GAREM2: variants seen among roughly 807,000 people sequenced by gnomAD.
GAREM2 encodes the protein GRB2-associated and regulator of MAPK protein 2.
Under a neutral mutation model 55.6 loss-of-function variants are expected in GAREM2, and 30 were observed. The ratio of observed to expected loss-of-function variants is 0.54; its 90% CI spans 0.40 to 0.73. The LOEUF (loss-of-function observed/expected upper bound fraction) is 0.73. Among genes scored for constraint, GAREM2 ranks in the 30% least tolerant of loss-of-function variants. GAREM2 has a pLI of 0.00. For synonymous variants in GAREM2, 550 were observed against 569.1 expected (o/e 0.97, Z 0.48); for missense variants, 1,075 against 1,257.7 (o/e 0.85, Z 2.20).
intron 5 of GAREM2, among the ~76,000 whole-genome samples, chr2:26,186,716 C>T (rs1484749326): frequency 2.0e-5 from 3 of 152,280 alleles, no homozygotes; most frequent in African/African-American, 2.4e-5. Context: ...TGGCTGATGC[C>T]GGTAATCCCA....
In GAREM2 at chr2:26,188,252, A is replaced by G. The variant is rs1249698713; in HGVS notation, c.2620A>G (p.Ile874Val). ...GTTCATCAAAGGCTGGAGGCCCAAG[A>G]TCTGAACTGCCCAGCTGGAGCTGCA... is the stretch of plus-strand genomic sequence containing the variant. ...MQFIKGWRPKI is the reference protein window; with the variant it reads ...MQFIKGWRPKV The change falls in exon 6 of 6, where the codon ATC (isoleucine) becomes GTC (valine). Residue 874 changes from isoleucine (I) to valine (V), a missense_variant. This residue lies in a region of GAREM2 where 142 missense variants were observed against 172.3 expected (regional missense o/e 0.82). Transcript: ENST00000401533. The G allele has an allele frequency of 9.5e-6, 14 of 1,473,262 alleles. No homozygotes were observed. Among genetic ancestry groups the G allele is most frequent in the Non-Finnish European group, 1.3e-5 (14 of 1,101,120 alleles). The allele number at this position is 1,473,262 out of a possible 1,614,324, so 91.3% of individuals were successfully genotyped here. A position where few individuals can be genotyped will look rare whatever the true frequency, so the allele number is the denominator to read the frequency against.
rs1226230298 is a variant in GAREM2 at position 26,179,972 on chromosome 2, G to T, written c.254-2995G>T. Among the ~76,000 whole-genome samples, 1 of 152,058 alleles carries T rather than the reference G, an allele frequency of 6.6e-6. No individual in the cohort carries two copies. Among genetic ancestry groups the T allele is most frequent in the Non-Finnish European group, 1.5e-5 (1 of 67,982 alleles). The stretch of plus-strand genomic sequence containing the variant: ...CTTGGGGGAGGAGGCGGGAGTGAGG[G>T]GAGGAGGCTACTCAGTGCCTGCAGT... On this transcript the variant is annotated intron_variant, in intron 2 of 5. Coordinates refer to ENST00000401533, the MANE Select transcript of GAREM2 (RefSeq NM_001168241.2). This position sits in a 1 kb window ranked among gnomAD's most constrained non-coding sequence, Gnocchi z 4.7.
the GAREM2 span, among the ~76,000 whole-genome samples, chr2:26,195,935 A>C: frequency 1.3e-5 from 2 of 152,200 alleles, no homozygotes; most frequent in African/African-American, 4.8e-5. Flanking sequence ...CATTGAGCTA[A>C]CAGTTACATA....
chr2:26,177,387 C>T (rs899419901), intron 2 of GAREM2, among the ~76,000 whole-genome samples: 2 of 152,166 alleles, frequency 1.3e-5, no homozygotes, highest in Admixed American at 6.5e-5. Flanking sequence ...TATGCTGGGC[C>T]GAACATTTTT....
chr2:26,195,147 C>T, the GAREM2 span: 3 of 1,612,564 alleles, frequency 1.9e-6, no homozygotes, highest in African/African-American at 2.7e-5. Context: ...AGCTGAAGCA[C>T]TGGTGTCTTT....
rs1668869276 is a variant in GAREM2 at position 26,176,463 on chromosome 2, G to A, written c.232G>A (p.Asp78Asn). The A allele has an allele frequency of 1.9e-6, 3 of 1,548,830 alleles. No homozygotes were observed. Among genetic ancestry groups the A allele is most frequent in the Non-Finnish European group, 1.7e-6 (2 of 1,145,422 alleles). ...CCACTATGTCATCGGGCCCAAGATC[G>A]ACATCCCCCTGCAGTACCCAGGTGT... ...EGHYVIGPKI[D>N]IPLQYPGKFK... The change falls in exon 2 of 6, where the codon GAC becomes AAC. Residue 78 changes from aspartate (D) to asparagine (N), a missense_variant. This residue lies in a region of GAREM2 where 230 missense variants were observed against 310.6 expected (regional missense o/e 0.74). Transcript: ENST00000401533.
chr2:26,174,792 C>A (rs73920248), intron 1 of GAREM2, among the ~76,000 whole-genome samples: 1 of 152,100 alleles, frequency 6.6e-6, no homozygotes, highest in Non-Finnish European at 1.5e-5. Flanking sequence ...GCCCCTTGGC[C>A]GGAGACTGAG....
At position 26,177,927 on chromosome 2, in the gene GAREM2, C is replaced by T. The variant is rs545681930; in HGVS notation, c.253+1443C>T. Among the ~76,000 whole-genome samples the T allele has an allele frequency of 2.6e-5, 4 of 152,326 alleles. No homozygotes were observed. The East Asian group carries it at 7.7e-4, about 29-fold the overall frequency. On this transcript the variant is annotated intron_variant, in intron 2 of 5. Coordinates refer to ENST00000401533, the MANE Select transcript of GAREM2 (RefSeq NM_001168241.2). ...CAGGTGTCAGCCACCAAACCCAGCC[C>T]AGTTCTGTGTTTTTAACTGCTGTGC...
downstream of GAREM2, among the ~76,000 whole-genome samples, chr2:26,193,167 T>G (rs4665315): frequency 0.82 from 125,143 of 151,972 alleles, 51,891 homozygotes; most frequent in African/African-American, 0.93. Flanking sequence ...ATTTCATCTC[T>G]GGGGGATAAA....
At chr2:26,189,931 C>G (rs534890138), downstream of GAREM2, among the ~76,000 whole-genome samples, 1 of 152,230 alleles carries the variant, frequency 6.6e-6, no homozygotes, top group Non-Finnish European at 1.5e-5. Context: ...AGGGAAAGAC[C>G]CAGGCTCAAA....
rs1222359854 is a variant in GAREM2 at position 26,184,481 on chromosome 2, C to A, written c.633C>A (p.Gly211=). ...TGGGGARPVK[G]KMPCLICMNH... is the part of the protein sequence containing the mutation. The stretch of plus-strand genomic sequence containing the variant: ...GCGGGGGCGCCAGGCCGGTCAAAGG[C>A]AAGATGCCCTGCCTCATCTGCATGA... Residue 211 remains glycine (G), a synonymous_variant, in exon 4 of 6, where the codon GGC becomes GGA. Transcript: ENST00000401533. 6.6e-7 allele frequency: 1 copy of A among 1,521,458 alleles called. No individual in the cohort carries two copies. The allele number at this position is 1,521,458 out of a possible 1,614,324, so 94.2% of individuals were successfully genotyped here.
At chr2:26,182,254 C>T in intron 2 of GAREM2, 2 of 1,422,778 alleles carry the variant, frequency 1.4e-6, no homozygotes, top group Non-Finnish European at 1.8e-6. Context: ...CTTGGCAAAG[C>T]ACGCAGCCCC....
At chr2:26,198,662 A>T in the GAREM2 span, among the ~76,000 whole-genome samples, 1 of 5,432 alleles carries the variant, frequency 1.8e-4, no homozygotes, top group Non-Finnish European at 3.4e-4. Flanking sequence ...CTTAAGATTT[A>T]AAAAAAAAAG....
the GAREM2 span, chr2:26,195,186 A>G: frequency 6.2e-7 from 1 of 1,612,082 alleles, no homozygotes; most frequent in South Asian, 1.1e-5. Context: ...GATAATCTCC[A>G]GCAGCTGCAT....
rs1669292601 is a variant in GAREM2 at position 26,187,215 on chromosome 2, C to A, written c.1599-16C>A. ...CCTCACCTGTCCTATGTGTGTGTGT[C>A]TGTCTCTGTCCACAGGGCGGGTTCC... On this transcript the variant is annotated splice_polypyrimidine_tract_variant and intron_variant, in intron 5 of 5. Transcript: ENST00000401533. 1 of 1,442,824 alleles carries A rather than the reference C, an allele frequency of 6.9e-7. No individual in the cohort carries two copies. The highest frequency in any genetic ancestry group is 9.2e-7 in the Non-Finnish European group (1 of 1,092,552). 89.4% of individuals were successfully genotyped at this position (1,442,824 alleles called of 1,614,324 possible).
In GAREM2 at chr2:26,185,065, A is replaced by C. The variant is rs1327531303; in HGVS notation, c.1217A>C (p.Asp406Ala). The stretch of plus-strand genomic sequence containing the variant: ...GCGCCGGCTCCCGCCGGCGAGGGCG[A>C]CCAGGAGTACGTGAGCCCCGACTGG... Reference protein sequence around the residue: ...PLAPAPAGEGDQEYVSPDWAA... With the variant: ...PLAPAPAGEGAQEYVSPDWAA... The change falls in exon 4 of 6, where the codon GAC becomes GCC. Residue 406 changes from aspartate to alanine, a missense_variant. Physicochemically the swap from Asp to Ala is moderately radical, Grantham distance 126. Transcript: ENST00000401533. 1.5e-6 allele frequency: 2 copies of C among 1,294,582 alleles called. No homozygotes were observed. Among genetic ancestry groups the C allele is most frequent in the African/African-American group, 3.1e-5 (2 of 63,800 alleles). The allele number at this position is 1,294,582 out of a possible 1,614,324, so 80.2% of individuals were successfully genotyped here.
intron 3 of GAREM2, 110 bp downstream of exon 3, chr2:26,183,207 C>T: frequency 8.2e-7 from 1 of 1,215,406 alleles, no homozygotes; most frequent in Non-Finnish European, 1.2e-6. Context: ...GAGAGCGGCT[C>T]CTGGGGACCC....
At chr2:26,183,555 C>T (rs1037903436) in intron 3 of GAREM2, among the ~76,000 whole-genome samples, 6 of 152,140 alleles carry the variant, frequency 3.9e-5, no homozygotes, top group African/African-American at 1.2e-4. Flanking sequence ...GAGACCCTGT[C>T]TCTACAAAAA....
Position 26,184,629 on chromosome 2 carries a change from G to GT in GAREM2, c.782dup (p.Arg262GlufsTer32). 6.5e-7 allele frequency: 1 copy of GT among 1,547,534 alleles called. No individual in the cohort carries two copies. The highest frequency in any genetic ancestry group is 8.7e-7 in the Non-Finnish European group (1 of 1,145,724). On this transcript the variant is annotated frameshift_variant, in exon 4 of 6. Coordinates refer to ENST00000401533, the MANE Select transcript of GAREM2 (RefSeq NM_001168241.2). LOFTEE classifies it high-confidence loss of function. Reference sequence around the variant, plus strand: ...CACGGTGCGCGCCATCATCGAGCGCGTGAGGCTGCCGGTGAACGTGCTGGT... The same window carrying GT: ...CACGGTGCGCGCCATCATCGAGCGCGTTGAGGCTGCCGGTGAACGTGCTGGT...
Sources: allele counts gnomAD v4.1 joint callset (sites outside exome capture counted in the v4.1 genomes callset), GRCh38; gene constraint gnomAD v4.1.1; regional missense constraint gnomAD v4.1.1; non-coding constraint Gnocchi (gnomAD v3.1); transcripts MANE v1.5; gene names NCBI Gene and HGNC (gene_info 2026-07-23, HGNC 2026-07-21).